Variants in SPPL2B observed in about 807,000 individuals in gnomAD.
SPPL2B encodes signal peptide peptidase like 2B.
A neutral mutation model predicts 59.7 loss-of-function variants in SPPL2B; 39 were observed. The observed-to-expected ratio is 0.65, with a 90% CI of 0.51 to 0.85. The LOEUF is 0.85. Ranked by LOEUF, SPPL2B falls within the 40% of genes least tolerant of loss-of-function variation. SPPL2B has a pLI of 0.00. For missense variants in SPPL2B, 865 were observed against 849.0 expected (o/e 1.02, Z -0.23); for synonymous variants, 419 against 370.8 (o/e 1.13, Z -1.49).
chr19:2,342,431 A>G (rs1969110945), intron 8 of SPPL2B: 1 of 152,350 alleles, frequency 6.6e-6, no homozygotes, highest in African/African-American at 2.4e-5. Flanking sequence ...CGGGCAGATC[A>G]CTTGAGGTCA....
intron 13 of SPPL2B, among the ~76,000 whole-genome samples, chr19:2,346,523 C>T (rs150586245): frequency 1.7e-4 from 26 of 152,204 alleles, no homozygotes; most frequent in Admixed American, 6.5e-4. Flanking sequence ...AAAAATTAGC[C>T]GGGCATGGTG....
At chr19:2,337,259 C>T (rs1232055564) in intron 2 of SPPL2B, 184 bp from the exon 3 acceptor site, 10 of 528,750 alleles carry the variant, frequency 1.9e-5, no homozygotes, top group Admixed American at 3.7e-5. Context: ...CCCAGCCCGT[C>T]GCCCAGGGTC....
intron 14 of SPPL2B, among the ~76,000 whole-genome samples, chr19:2,352,227 C>T (rs1969967572): frequency 1.3e-5 from 2 of 152,252 alleles, no homozygotes; most frequent in South Asian, 2.1e-4. Context: ...CCTGGGTTCC[C>T]GGGACTCAGG....
chr19:2,343,016 G>A (rs567115462), intron 8 of SPPL2B, 195 bp from the exon 9 acceptor site: 26 of 588,670 alleles, frequency 4.4e-5, no homozygotes, highest in African/African-American at 2.2e-4. Flanking sequence ...GGCCTGTGCC[G>A]CCAGCCCTGC....
chr19:2,346,871 T>C (rs968623917), intron 13 of SPPL2B, among the ~76,000 whole-genome samples: 5 of 152,126 alleles, frequency 3.3e-5, no homozygotes, highest in African/African-American at 1.2e-4. Flanking sequence ...AATGGACCAA[T>C]AGGGACGCTC....
intron 13 of SPPL2B, among the ~76,000 whole-genome samples, chr19:2,345,988 TCTTTTCTTTTC>T (rs1333008408): frequency 6.6e-6 from 1 of 152,248 alleles, no homozygotes; most frequent in African/African-American, 2.4e-5. Context: ...ATTGTTCTGT[TCTTTTCTTTTC>T]CTTTTCTTTC....
At chr19:2,341,061 G>A (rs11880345) in intron 8 of SPPL2B, 47 bp downstream of exon 8, 968,361 of 1,406,330 alleles carry the variant, frequency 0.69, 338,741 homozygotes, top group Middle Eastern at 0.73. Flanking sequence ...GAGTCCTCGG[G>A]TGCACCAGGG....
rs547342033 is a variant in SPPL2B at position 2,343,404 on chromosome 19, C to T, written c.1038+112C>T. 21 of 929,496 alleles carry T rather than the reference C, an allele frequency of 2.3e-5. No individual in the cohort carries two copies. The South Asian group carries it at 2.8e-4, about 12-fold the overall frequency. 57.6% of individuals were successfully genotyped at this position (929,496 alleles called of 1,614,324 possible). A position where few individuals can be genotyped will look rare whatever the true frequency, so the allele number is the denominator to read the frequency against. ...TGCAGGTCTGTGCTCCTGCTCACTG[C>T]CCTGGGGATGGCCGCCTAGGCCTGT... On this transcript the variant is annotated intron_variant, in intron 9 of 14. Transcript: ENST00000613503.
intron 7 of SPPL2B, 90 bp downstream of exon 7, chr19:2,340,262 T>C: frequency 2.9e-6 from 3 of 1,049,616 alleles, no homozygotes; most frequent in Non-Finnish European, 4.0e-6. Context: ...CATGGTGCAA[T>C]ATTGCTCAGA....
intron 4 of SPPL2B, 38 bp downstream of exon 4, chr19:2,338,879 G>GA: frequency 6.3e-7 from 1 of 1,595,846 alleles, no homozygotes. Context: ...CTCCCGAGGA[G>GA]ATGGGGCAGG....
At chr19:2,340,259 C>A in intron 7 of SPPL2B, 87 bp downstream of exon 7, 1 of 1,060,040 alleles carries the variant, frequency 9.4e-7, no homozygotes, top group Non-Finnish European at 1.3e-6. Flanking sequence ...CCCCATGGTG[C>A]AATATTGCTC....
rs1968990111 is a variant in SPPL2B, at chr19:2,340,923, T to G, written c.865T>G (p.Phe289Val). 6.3e-7 allele frequency: 1 copy of G among 1,599,630 alleles called. No homozygotes were observed. The highest frequency in any genetic ancestry group is 2.2e-5 in the East Asian group (1 of 44,866). ...CRIPNNSLPYFHKRPQARMLL... is the reference protein window; with the variant it reads ...CRIPNNSLPYVHKRPQARMLL... ...GATCCCCAACAACAGCCTGCCCTAC[T>G]TCCACAAGCGCCCGCAGGCCCGTAT... Residue 289 changes from phenylalanine to valine, a missense_variant, in exon 8 of 15, where the codon TTC (phenylalanine) becomes GTC (valine). Transcript: ENST00000613503.
rs748734167 is a variant in SPPL2B at position 2,351,418 on chromosome 19, T to G, written c.1355-16T>G. On this transcript the variant is annotated splice_polypyrimidine_tract_variant and intron_variant, in intron 13 of 14. Transcript: ENST00000613503. ...TGGCCTGCCTGGCTGAGGTGATGCC[T>G]CCTCTGTCCCCACAGCCTATGGCGT... 24 of 1,581,954 alleles carry G rather than the reference T, an allele frequency of 1.5e-5. No homozygotes were observed. The highest frequency in any genetic ancestry group is 1.8e-5 in the Non-Finnish European group (21 of 1,162,158).
chr19:2,339,773 C>T (rs555239571), intron 5 of SPPL2B, 51 bp from the exon 6 acceptor site: 108 of 1,579,280 alleles, frequency 6.8e-5, no homozygotes, highest in South Asian at 2.3e-4. Flanking sequence ...TCCCGAGCCC[C>T]GTGTCGGCCA....
intron 2 of SPPL2B, among the ~76,000 whole-genome samples, chr19:2,336,678 CTGCT>C (rs1393789736): frequency 2.8e-5 from 4 of 145,122 alleles, no homozygotes; most frequent in Non-Finnish European, 6.0e-5. Flanking sequence ...AGGCATGTGT[CTGCT>C]TGAGTGTGAG....
Position 2,353,101 on chromosome 19 carries a change from G to C in SPPL2B, c.1671G>C (p.Glu557Asp), listed in dbSNP as rs1970022375. 4 of 1,611,280 alleles carry C rather than the reference G, an allele frequency of 2.5e-6. No individual in the cohort carries two copies. The highest frequency in any genetic ancestry group is 3.4e-6 in the Non-Finnish European group (4 of 1,179,416). Residue 557 changes from glutamate (E) to aspartate (D), a missense_variant, in exon 15 of 15, where the codon GAG becomes GAC. Transcript: ENST00000613503. The stretch of plus-strand genomic sequence containing the variant: ...AGTCCCCAAAATCACGCACGTCCGA[G>C]GAGATGGGGGCTGGAGCCCCCATGC... ...AEQSPKSRTS[E>D]EMGAGAPMRE...
At chr19:2,341,154 G>GC (rs1198685371) in intron 8 of SPPL2B, 140 bp downstream of exon 8, 1 of 722,744 alleles carries the variant, frequency 1.4e-6, no homozygotes, top group African/African-American at 1.7e-5. Flanking sequence ...AAGAGCCCTG[G>GC]CCCCGGGCTG....
In SPPL2B at chr19:2,332,086, C is replaced by T. The variant is rs1968319988; in HGVS notation, c.67-2516C>T. On this transcript the variant is annotated intron_variant, in intron 1 of 14. Coordinates refer to ENST00000613503, the MANE Select transcript of SPPL2B (RefSeq NM_152988.3). This position sits in a 1 kb window ranked among gnomAD's most constrained non-coding sequence, Gnocchi z 4.6. ...GGTGGGCAGAACTGGAAAGAAAGGG[C>T]TCCTGACTCTGCCTGGGCTCTGGGG... 6.6e-6 allele frequency among the ~76,000 whole-genome samples: 1 copy of T among 152,212 alleles called. No homozygotes were observed. The highest frequency in any genetic ancestry group is 2.1e-4 in the South Asian group (1 of 4,832).
At chr19:2,334,949 G>A (rs911291335) in intron 2 of SPPL2B, among the ~76,000 whole-genome samples, 2 of 152,066 alleles carry the variant, frequency 1.3e-5, no homozygotes, top group Non-Finnish European at 2.9e-5. Flanking sequence ...GGCACCGGCC[G>A]AGCTCCATGT....
Sources: gnomAD v4.1 joint callset for allele counts (sites outside exome capture counted in the v4.1 genomes callset) on GRCh38, gnomAD v4.1.1 for gene constraint, Gnocchi (gnomAD v3.1) non-coding constraint, MANE v1.5 for transcripts, NCBI Gene and HGNC (gene_info 2026-07-23, HGNC 2026-07-21) for gene names.